The following ARHGEF37 variants were observed in gnomAD, a reference collection of about 807,000 sequenced individuals.
ARHGEF37 encodes Rho guanine nucleotide exchange factor (GEF) 37.
Under a neutral mutation model 71.1 loss-of-function variants are expected in ARHGEF37, and 55 were observed. That is an observed-to-expected ratio of 0.77 (90% CI 0.62 to 0.97). The LOEUF (loss-of-function observed/expected upper bound fraction) is 0.97. Among genes scored for constraint, ARHGEF37 ranks in the 50% least tolerant of loss-of-function variants. ARHGEF37 has a pLI of 0.00. For synonymous variants in ARHGEF37, 327 were observed against 350.6 expected (o/e 0.93, Z 0.75); for missense variants, 765 against 836.8 (o/e 0.91, Z 1.06).
intron 9 of ARHGEF37, among the ~76,000 whole-genome samples, chr5:149,622,466 T>G (rs1388115915): frequency 1.3e-5 from 2 of 152,260 alleles, no homozygotes; most frequent in East Asian, 3.8e-4. Context: ...AGCAGCCATC[T>G]TCTCATGAGT....
intron 1 of ARHGEF37, among the ~76,000 whole-genome samples, chr5:149,553,691 T>C (rs757051201): frequency 2.0e-4 from 31 of 152,236 alleles, no homozygotes; most frequent in Admixed American, 8.5e-4. Context: ...CAGGTGCAAG[T>C]GGCTAACAAA....
At chr5:149,560,377 G>A (rs1448739940) in intron 1 of ARHGEF37, among the ~76,000 whole-genome samples, 1 of 152,174 alleles carries the variant, frequency 6.6e-6, no homozygotes, top group Non-Finnish European at 1.5e-5. Context: ...GCCTCTCAAA[G>A]TGCTGGAATT....
At chr5:149,629,059 T>A in intron 12 of ARHGEF37, 93 bp downstream of exon 12, 2 of 1,413,374 alleles carry the variant, frequency 1.4e-6, no homozygotes, top group Non-Finnish European at 1.9e-6. Flanking sequence ...ATGCCCCTCC[T>A]GTCTGGTGGG....
chr5:149,576,812 C>G (rs546588702), upstream of ARHGEF37, among the ~76,000 whole-genome samples: 1 of 152,148 alleles, frequency 6.6e-6, no homozygotes, highest in East Asian at 1.9e-4. Context: ...AAAAATTAGC[C>G]AGGCCTGGTG....
At chr5:149,592,949 T>C (rs933438280) in intron 1 of ARHGEF37, among the ~76,000 whole-genome samples, 1 of 152,128 alleles carries the variant, frequency 6.6e-6, no homozygotes, top group African/African-American at 2.4e-5. Flanking sequence ...TTTATATTTT[T>C]AGTAGAGACG....
At chr5:149,620,714 C>T (rs2113372421) in intron 8 of ARHGEF37, among the ~76,000 whole-genome samples, 1 of 151,960 alleles carries the variant, frequency 6.6e-6, no homozygotes, top group East Asian at 1.9e-4. Context: ...ACCTGTAGTC[C>T]CAGCTACTCA....
chr5:149,572,270 T>G (rs1483278706), intron 1 of ARHGEF37, among the ~76,000 whole-genome samples: 1 of 152,218 alleles, frequency 6.6e-6, no homozygotes, highest in East Asian at 1.9e-4. Context: ...ATAGTTTGTT[T>G]CTTCTTTCTC....
chr5:149,605,923 G>A (rs1404781600), intron 3 of ARHGEF37, among the ~76,000 whole-genome samples: 5 of 152,164 alleles, frequency 3.3e-5, no homozygotes, highest in African/African-American at 1.2e-4. Flanking sequence ...AGCTAGAGAT[G>A]AGTATCCCCT....
intron 4 of ARHGEF37, among the ~76,000 whole-genome samples, chr5:149,612,865 G>A (rs1752239786): frequency 6.6e-6 from 1 of 152,170 alleles, no homozygotes; most frequent in Non-Finnish European, 1.5e-5. Flanking sequence ...AGATTCCTTG[G>A]GATTCCAAAA....
chr5:149,585,686 T>C (rs1401460216), intron 1 of ARHGEF37, among the ~76,000 whole-genome samples: 4 of 34,986 alleles, frequency 1.1e-4, no homozygotes, highest in Non-Finnish European at 2.0e-4. Context: ...CCCAGCTAAT[T>C]TTTTGTATTT....
At chr5:149,622,100 C>T (rs1319959709) in intron 9 of ARHGEF37, 38 bp downstream of exon 9, 23 of 1,539,754 alleles carry the variant, frequency 1.5e-5, no homozygotes, top group Admixed American at 1.9e-5. Context: ...TGGGGAGTAG[C>T]CAGGCAAGGC....
At chr5:149,564,551 G>T (rs150137207) in intron 1 of ARHGEF37, among the ~76,000 whole-genome samples, 13 of 152,220 alleles carry the variant, frequency 8.5e-5, no homozygotes, top group Admixed American at 2.6e-4. Flanking sequence ...TCGGCCGGGC[G>T]CGGTGGCTCC....
intron 1 of ARHGEF37, among the ~76,000 whole-genome samples, chr5:149,595,487 G>T (rs1455231150): frequency 1.3e-5 from 2 of 152,084 alleles, no homozygotes; most frequent in Non-Finnish European, 2.9e-5. Flanking sequence ...AGCCCTATTT[G>T]GTACTTGTAA....
intron 2 of ARHGEF37, among the ~76,000 whole-genome samples, 166 bp downstream of exon 2, chr5:149,598,121 C>T (rs945770431): frequency 1.3e-5 from 2 of 152,130 alleles, no homozygotes; most frequent in Admixed American, 6.5e-5. Context: ...TTTCCTTGGC[C>T]GTGCAACCTC....
upstream of ARHGEF37, among the ~76,000 whole-genome samples, chr5:149,577,815 G>A (rs1763043364): frequency 6.6e-6 from 1 of 152,204 alleles, no homozygotes; most frequent in African/African-American, 2.4e-5. Flanking sequence ...TGTAAAGCAG[G>A]GCCCTGGATC....
At chr5:149,630,400 A>G (rs1016022234) in intron 12 of ARHGEF37, among the ~76,000 whole-genome samples, 1 of 152,140 alleles carries the variant, frequency 6.6e-6, no homozygotes, top group Non-Finnish European at 1.5e-5. Flanking sequence ...CCACAGGGGA[A>G]GCAGGAGCAA....
intron 1 of ARHGEF37, among the ~76,000 whole-genome samples, chr5:149,588,548 C>CT (rs1763306924): frequency 6.6e-6 from 1 of 151,544 alleles, no homozygotes; most frequent in Non-Finnish European, 1.5e-5. Context: ...ATCTGCCCGC[C>CT]TGACCTTCCA....
intron 1 of ARHGEF37, among the ~76,000 whole-genome samples, chr5:149,589,529 C>T (rs1763336302): frequency 6.6e-6 from 1 of 151,972 alleles, no homozygotes; most frequent in Admixed American, 6.6e-5. Flanking sequence ...AACACAGTTT[C>T]CCTCTTGTTG....
intron 4 of ARHGEF37, 83 bp from the exon 5 acceptor site, chr5:149,616,484 T>A: frequency 7.5e-7 from 1 of 1,335,166 alleles, no homozygotes; most frequent in East Asian, 2.3e-5. Flanking sequence ...GTGAGCTAAA[T>A]GGTAGAGTGA....
Sources: allele counts gnomAD v4.1 joint callset (sites outside exome capture counted in the v4.1 genomes callset), GRCh38; gene constraint gnomAD v4.1.1; transcripts MANE v1.5; gene names NCBI Gene and HGNC (gene_info 2026-07-23, HGNC 2026-07-21).